The following TWSG1 variants were observed in gnomAD, a reference collection of about 807,000 sequenced individuals.
The protein encoded by TWSG1 is twisted gastrulation BMP signaling modulator 1, also known as twisted gastrulation protein homolog 1.
Under a neutral mutation model 23.0 loss-of-function variants are expected in TWSG1, and 15 were observed. The ratio of observed to expected loss-of-function variants is 0.65; its 90% CI spans 0.44 to 1.00. TWSG1 has a LOEUF of 1.00. Ranked by LOEUF, TWSG1 falls within the 50% of genes least tolerant of loss-of-function variation. The pLI, the probability that TWSG1 is intolerant of heterozygous loss-of-function variation, is 0.00. For synonymous variants in TWSG1, 86 were observed against 92.8 expected (o/e 0.93, Z 0.42); for missense variants, 242 against 278.7 (o/e 0.87, Z 0.94).
At chr18:9,339,361 G>A (rs1006001548) in intron 2 of TWSG1, among the ~76,000 whole-genome samples, 8 of 152,050 alleles carry the variant, frequency 5.3e-5, no homozygotes, top group Non-Finnish European at 5.9e-5. Flanking sequence ...GCTTACTACA[G>A]CCTTGACTTC....
chr18:9,373,467 G>A (rs1387947646), intron 3 of TWSG1, among the ~76,000 whole-genome samples: 1 of 152,200 alleles, frequency 6.6e-6, no homozygotes, highest in East Asian at 1.9e-4. Context: ...CTGAGAGGCA[G>A]AGGTTGCAGT....
At chr18:9,354,072 CTG>C (rs1435412361) in intron 2 of TWSG1, among the ~76,000 whole-genome samples, 1 of 152,164 alleles carries the variant, frequency 6.6e-6, no homozygotes, top group African/African-American at 2.4e-5. Flanking sequence ...AGAGTAATAA[CTG>C]TAATTATTAA....
intron 4 of TWSG1, among the ~76,000 whole-genome samples, chr18:9,397,613 C>G (rs1369609993): frequency 6.6e-6 from 1 of 152,114 alleles, no homozygotes; most frequent in African/African-American, 2.4e-5. Context: ...ATGAAAATTG[C>G]AATTATTTCT....
At chr18:9,344,547 G>C (rs1454295787) in intron 2 of TWSG1, among the ~76,000 whole-genome samples, 2 of 21,626 alleles carry the variant, frequency 9.2e-5, no homozygotes, top group African/African-American at 1.6e-4. Flanking sequence ...TTTTTTTTTT[G>C]AGAGAGGATC....
At chr18:9,343,782 C>T (rs2040459142) in intron 2 of TWSG1, among the ~76,000 whole-genome samples, 2 of 152,124 alleles carry the variant, frequency 1.3e-5, no homozygotes, top group Admixed American at 1.3e-4. Context: ...ATGGGCATAC[C>T]ACATTTTATT....
At chr18:9,357,094 T>C (rs1019441878) in intron 2 of TWSG1, among the ~76,000 whole-genome samples, 6 of 152,144 alleles carry the variant, frequency 3.9e-5, no homozygotes, top group Non-Finnish European at 8.8e-5. Flanking sequence ...TCTGTTTTTC[T>C]ACATTTCCAA....
rs56215503 is a variant in TWSG1 at position 9,381,099 on chromosome 18, T to C, written c.224-15181T>C. ...TCTGGAGATTCTAATTTACTCCGTATTCATGCTGAGGAAACTAAGTGCCAG... is the reference window on the plus strand; with the variant it reads ...TCTGGAGATTCTAATTTACTCCGTACTCATGCTGAGGAAACTAAGTGCCAG... On this transcript the variant is annotated intron_variant, in intron 3 of 4. Transcript: ENST00000262120. Among the ~76,000 whole-genome samples, 1,290 of 152,338 alleles carry C rather than the reference T, an allele frequency of 8.5e-3. 29 individuals are homozygous for C. The highest frequency in any genetic ancestry group is 0.03 in the African/African-American group (1,250 of 41,582).
chr18:9,358,731 T>C (rs948799378), intron 2 of TWSG1, among the ~76,000 whole-genome samples: 2 of 152,192 alleles, frequency 1.3e-5, no homozygotes, highest in Non-Finnish European at 2.9e-5. Flanking sequence ...TGGCCATATG[T>C]TGATGGAACA....
At chr18:9,389,049 T>C (rs1015437785) in intron 3 of TWSG1, among the ~76,000 whole-genome samples, 10 of 152,102 alleles carry the variant, frequency 6.6e-5, no homozygotes. Flanking sequence ...CAATCTTGGC[T>C]CACCGCAACC....
At chr18:9,358,652 C>T (rs189669101) in intron 2 of TWSG1, among the ~76,000 whole-genome samples, 1 of 152,236 alleles carries the variant, frequency 6.6e-6, no homozygotes, top group East Asian at 1.9e-4. Context: ...AAAGAAAACA[C>T]TTAAAACTTT....
At chr18:9,362,008 A>G (rs951733020) in intron 3 of TWSG1, among the ~76,000 whole-genome samples, 10 of 151,998 alleles carry the variant, frequency 6.6e-5, no homozygotes, top group African/African-American at 2.4e-4. Flanking sequence ...TAGTGTTTCC[A>G]TTTCTTGTTT....
chr18:9,398,801 T>A (rs1314094328), intron 4 of TWSG1, among the ~76,000 whole-genome samples: 2 of 152,024 alleles, frequency 1.3e-5, no homozygotes, highest in African/African-American at 2.4e-5. Flanking sequence ...AACTTATGGA[T>A]CTATCATTTT....
chr18:9,358,959 G>C (rs1180677559), intron 2 of TWSG1, among the ~76,000 whole-genome samples: 1 of 152,156 alleles, frequency 6.6e-6, no homozygotes, highest in Admixed American at 6.5e-5. Flanking sequence ...GTTTGTTCAG[G>C]ACTGGCAGTC....
chr18:9,350,704 A>G (rs1159707522), intron 2 of TWSG1, among the ~76,000 whole-genome samples: 2 of 152,238 alleles, frequency 1.3e-5, no homozygotes, highest in Non-Finnish European at 2.9e-5. Flanking sequence ...ACTCTTTTCA[A>G]TACTGATTCA....
rs188490452 is a variant in TWSG1, at chr18:9,348,112, G to T, written c.123+10760G>T. 1.5e-3 allele frequency among the ~76,000 whole-genome samples: 231 copies of T among 152,292 alleles called. 2 individuals carry two copies. The highest frequency in any genetic ancestry group is 4.7e-3 in the African/African-American group (195 of 41,556). On this transcript the variant is annotated intron_variant, in intron 2 of 4. Coordinates refer to ENST00000262120, the MANE Select transcript of TWSG1 (RefSeq NM_020648.6). ...TGGACTTACAGCAGAGAACACTTGG[G>T]GATAAGGAAGGCCTTGATGCTGGAA... is the stretch of plus-strand genomic sequence containing the variant.
Position 9,337,238 on chromosome 18 carries a change from A to G in TWSG1, c.9A>G (p.Leu3=). 1 of 1,611,764 alleles carries G rather than the reference A, an allele frequency of 6.2e-7. No homozygotes were observed. The highest frequency in any genetic ancestry group is 8.5e-7 in the Non-Finnish European group (1 of 1,179,986). MK[L]HYVAVLTLAI... ...ATCTTCTTTGAAGAAACATGAAGTT[A>G]CACTATGTTGCTGTGCTTACTCTAG... Residue 3 remains leucine (L), a synonymous_variant, in exon 2 of 5, where the codon TTA becomes TTG. Transcript: ENST00000262120.
rs374321804 is a variant in TWSG1 at position 9,397,584 on chromosome 18, G to A, written c.490+1038G>A. On this transcript the variant is annotated intron_variant, in intron 4 of 4. Transcript: ENST00000262120. ...ACAAAAGGCACCATATAATTTTACT[G>A]TGGAAGCATAAAGCACTTATGAAAA... Among the ~76,000 whole-genome samples, 12 of 152,320 alleles carry A rather than the reference G, an allele frequency of 7.9e-5. No homozygotes were observed. The East Asian group carries it at 2.3e-3, about 29-fold the overall frequency.
intron 3 of TWSG1, among the ~76,000 whole-genome samples, chr18:9,372,099 A>C (rs189146778): frequency 6.6e-6 from 1 of 151,858 alleles, no homozygotes; most frequent in Non-Finnish European, 1.5e-5. Context: ...AACAGATGAC[A>C]GCTCTTTCAA....
chr18:9,381,274 T>C (rs1209909203), intron 3 of TWSG1, among the ~76,000 whole-genome samples: 2 of 152,234 alleles, frequency 1.3e-5, no homozygotes, highest in Non-Finnish European at 2.9e-5. Flanking sequence ...CCATCTGTTC[T>C]TCTAATGCAA....
Sources: gnomAD v4.1 joint callset for allele counts (sites outside exome capture counted in the v4.1 genomes callset) on GRCh38, gnomAD v4.1.1 for gene constraint, MANE v1.5 for transcripts, NCBI Gene and HGNC (gene_info 2026-07-23, HGNC 2026-07-21) for gene names.